Variants in IPO11 observed in about 807,000 individuals in gnomAD.
The protein encoded by IPO11 is importin 11, also known as importin-11.
Under a neutral mutation model 143.2 loss-of-function variants are expected in IPO11, and 66 were observed. The ratio of observed to expected loss-of-function variants is 0.46; its 90% CI spans 0.38 to 0.57. The LOEUF (loss-of-function observed/expected upper bound fraction) is 0.57. IPO11 is among the 20% of genes least tolerant of loss of function. IPO11 has a pLI of 0.00. For missense variants in IPO11, 1,026 were observed against 1,141.0 expected (o/e 0.90, Z 1.45); for synonymous variants, 385 against 377.8 (o/e 1.02, Z -0.22).
chr5:62,437,707 C>T (rs1183680955), intron 2 of IPO11, among the ~76,000 whole-genome samples: 2 of 152,138 alleles, frequency 1.3e-5, no homozygotes, highest in Non-Finnish European at 2.9e-5. Context: ...CTCTAGGTAG[C>T]ACTCTTTCAT....
intron 5 of IPO11, among the ~76,000 whole-genome samples, chr5:62,460,246 A>C (rs987805997): frequency 1.4e-5 from 2 of 138,058 alleles, no homozygotes; most frequent in African/African-American, 5.6e-5. Context: ...CAGAAAAATG[A>C]ATAAGGTGCA....
intron 29 of IPO11, among the ~76,000 whole-genome samples, chr5:62,613,033 A>G (rs1745983710): frequency 6.6e-6 from 1 of 152,244 alleles, no homozygotes; most frequent in Non-Finnish European, 1.5e-5. Flanking sequence ...GAGTCATCCT[A>G]CAGTCTGATC....
intron 22 of IPO11, among the ~76,000 whole-genome samples, chr5:62,533,409 T>C (rs919830635): frequency 2.6e-5 from 4 of 151,978 alleles, no homozygotes; most frequent in African/African-American, 9.7e-5. Context: ...ATGAGGTTTC[T>C]TCATGTTGGT....
chr5:62,600,438 T>C (rs540892438), intron 28 of IPO11, among the ~76,000 whole-genome samples: 1 of 152,328 alleles, frequency 6.6e-6, no homozygotes, highest in Admixed American at 6.5e-5. Flanking sequence ...GTGGAAGAAT[T>C]TGATGCAGAA....
chr5:62,526,355 A>C (rs917932766), intron 21 of IPO11, 98 bp downstream of exon 21: 2 of 772,396 alleles, frequency 2.6e-6, no homozygotes, highest in African/African-American at 3.5e-5. Flanking sequence ...GGCTTTAAAA[A>C]CAGAAAATGT....
rs555426021 is a variant in IPO11, at chr5:62,496,626, T to C, written c.1590+2502T>C. Among the ~76,000 whole-genome samples the C allele has an allele frequency of 2.6e-5, 4 of 152,304 alleles. No individual in the cohort carries two copies. The South Asian group carries it at 8.3e-4, about 32-fold the overall frequency. ...AGCCTTTGAGAAATGCTAGCTAATA[T>C]AATGTGGGGAGATATCTTATACATG... On this transcript the variant is annotated intron_variant, in intron 16 of 29. Coordinates refer to ENST00000325324, the MANE Select transcript of IPO11 (RefSeq NM_016338.5).
intron 1 of IPO11, chr5:62,413,298 G>A (rs1271642794): frequency 6.6e-6 from 1 of 152,232 alleles, no homozygotes; most frequent in African/African-American, 2.4e-5. Context: ...GTTATCTCGA[G>A]TATAAGACCG....
At chr5:62,428,928 A>C (rs1310673058) in intron 1 of IPO11, among the ~76,000 whole-genome samples, 1 of 152,010 alleles carries the variant, frequency 6.6e-6, no homozygotes, top group Non-Finnish European at 1.5e-5. Context: ...AAACCTCCCA[A>C]AGTGCCGAGA....
In IPO11 at chr5:62,559,946, A is replaced by G. The variant is rs1252704201; in HGVS notation, c.2461-1190A>G. Among the ~76,000 whole-genome samples, 5 of 139,426 alleles carry G rather than the reference A, an allele frequency of 3.6e-5. No individual in the cohort carries two copies. In the South Asian group the frequency reaches 7.3e-4, roughly 20 times the overall value. The allele number at this position is 139,426 out of a possible 152,430, so 91.5% of individuals were successfully genotyped here. A position where few individuals can be genotyped will look rare whatever the true frequency, so the allele number is the denominator to read the frequency against. On this transcript the variant is annotated intron_variant, in intron 26 of 29. Coordinates refer to ENST00000325324, the MANE Select transcript of IPO11 (RefSeq NM_016338.5). ...AAAAAAAAAAAAAAAAAAAAAAGAG[A>G]GAGAAAAACAACTCTTAATTTGTTC...
chr5:62,515,354 A>C, intron 19 of IPO11, 34 bp from the exon 20 acceptor site: 3 of 1,468,950 alleles, frequency 2.0e-6, no homozygotes, highest in South Asian at 1.2e-5. Context: ...TTACCAATAA[A>C]ATTTTGTTGT....
rs545746204 is a variant in IPO11 at position 62,556,219 on chromosome 5, G to C, written c.2460+4883G>C. Among the ~76,000 whole-genome samples the C allele has an allele frequency of 7.9e-5, 12 of 152,284 alleles. No individual in the cohort carries two copies. The South Asian group carries it at 2.3e-3, about 29-fold the overall frequency. On this transcript the variant is annotated intron_variant, in intron 26 of 29. Transcript: ENST00000325324. ...AGGCACCTGTAATCCCAGCTACTTG[G>C]GGGGCTGAGGCAGGAGAATTGCTTG...
intron 28 of IPO11, among the ~76,000 whole-genome samples, chr5:62,600,149 C>T (rs1295225631): frequency 6.6e-6 from 1 of 152,166 alleles, no homozygotes; most frequent in Non-Finnish European, 1.5e-5. Flanking sequence ...GGCAATTTCT[C>T]CCATCTCAGC....
At chr5:62,449,856 C>T (rs1213117995) in intron 3 of IPO11, 71 bp from the exon 4 acceptor site, 1 of 939,290 alleles carries the variant, frequency 1.1e-6, no homozygotes, top group Non-Finnish European at 1.6e-6. Flanking sequence ...TTAAAATTTA[C>T]AGTAATGCTT....
chr5:62,478,304 C>A (rs2112213480), intron 9 of IPO11, among the ~76,000 whole-genome samples: 1 of 151,962 alleles, frequency 6.6e-6, no homozygotes, highest in Middle Eastern at 3.4e-3. Flanking sequence ...TAGCTGGGAC[C>A]AGAGGCACAT....
chr5:62,522,915 T>G (rs1742250313), intron 20 of IPO11, among the ~76,000 whole-genome samples: 1 of 152,222 alleles, frequency 6.6e-6, no homozygotes, highest in Non-Finnish European at 1.5e-5. Context: ...CTCTTATTAT[T>G]AATACTTCCT....
At chr5:62,621,883 A>G (rs1406670842) in intron 29 of IPO11, among the ~76,000 whole-genome samples, 2 of 152,144 alleles carry the variant, frequency 1.3e-5, no homozygotes, top group African/African-American at 4.8e-5. Context: ...AATGATTAAA[A>G]AAAAAAGTCA....
intron 27 of IPO11, among the ~76,000 whole-genome samples, chr5:62,578,047 A>G (rs1744386792): frequency 6.6e-6 from 1 of 152,098 alleles, no homozygotes; most frequent in South Asian, 2.1e-4. Flanking sequence ...TTTTTGTTCT[A>G]AAAGATTCAA....
At chr5:62,463,926 C>T (rs1164181655) in intron 5 of IPO11, among the ~76,000 whole-genome samples, 1 of 151,448 alleles carries the variant, frequency 6.6e-6, no homozygotes, top group Non-Finnish European at 1.5e-5. Context: ...TGGGTTCAAG[C>T]ATTTCTCCTG....
At chr5:62,475,176 G>A (rs1172542307) in intron 8 of IPO11, among the ~76,000 whole-genome samples, 1 of 151,850 alleles carries the variant, frequency 6.6e-6, no homozygotes, top group East Asian at 1.9e-4. Context: ...CAAAGTGTTG[G>A]AATTGCAGAT....
Sources: gnomAD v4.1 joint callset for allele counts (sites outside exome capture counted in the v4.1 genomes callset) on GRCh38, gnomAD v4.1.1 for gene constraint, MANE v1.5 for transcripts, NCBI Gene and HGNC (gene_info 2026-07-23, HGNC 2026-07-21) for gene names.